B3GALNT1: variants seen among roughly 807,000 people sequenced by gnomAD.
The protein encoded by B3GALNT1 is UDP-GalNAc:beta-1,3-N-acetylgalactosaminyltransferase 1.
In B3GALNT1, 17 loss-of-function variants were observed where a neutral mutation model predicts 27.3. The observed-to-expected ratio is 0.62, with a 90% CI of 0.43 to 0.94. The LOEUF is 0.94. Among genes scored for constraint, B3GALNT1 ranks in the 40% least tolerant of loss-of-function variants. The pLI is 0.00. For missense variants in B3GALNT1, 347 were observed against 390.0 expected (o/e 0.89, Z 0.93); for synonymous variants, 141 against 144.0 (o/e 0.98, Z 0.15).
At chr3:161,104,112 G>A in intron 2 of B3GALNT1, 1 of 309,970 alleles carries the variant, frequency 3.2e-6, no homozygotes, top group South Asian at 2.7e-5. Flanking sequence ...TAGTCTATGA[G>A]GGGAAAAAAG....
rs949465858 is a variant in B3GALNT1, at chr3:161,101,206, G to T, written c.-102C>A. The T allele has an allele frequency of 3.9e-6, 5 of 1,289,778 alleles. No individual in the cohort carries two copies. The highest frequency in any genetic ancestry group is 3.7e-5 in the South Asian group (3 of 81,036). 79.9% of individuals were successfully genotyped at this position (1,289,778 alleles called of 1,614,324 possible). A position where few individuals can be genotyped will look rare whatever the true frequency, so the allele number is the denominator to read the frequency against. On this transcript the variant is annotated 5_prime_UTR_variant, in exon 4 of 5. Coordinates refer to ENST00000320474, the MANE Select transcript of B3GALNT1 (RefSeq NM_003781.4). ...AGCAGCCAGCGGGAAGAGCCAACAG[G>T]TCAACCGGGTCCAGGGAGCTAAGAA...
rs768429026 is a variant in B3GALNT1, at chr3:161,084,799, C to T, written c.*960G>A. ...TTCCAATTCAAATGCTGGAATATGACACTCTTTTTATAATATTCTGCCCAT... is the reference window on the plus strand; with the variant it reads ...TTCCAATTCAAATGCTGGAATATGATACTCTTTTTATAATATTCTGCCCAT... On this transcript the variant is annotated 3_prime_UTR_variant, in exon 5 of 5. Coordinates refer to ENST00000320474, the MANE Select transcript of B3GALNT1 (RefSeq NM_003781.4). 6 of 152,136 alleles carry T rather than the reference C, an allele frequency of 3.9e-5. No individual in the cohort carries two copies. Among genetic ancestry groups the T allele is most frequent in the African/African-American group, 1.4e-4 (6 of 41,444 alleles). 9.4% of individuals were successfully genotyped at this position (152,136 alleles called of 1,614,324 possible).
intron 4 of B3GALNT1, among the ~76,000 whole-genome samples, chr3:161,095,202 C>G (rs1727473023): frequency 6.6e-6 from 1 of 152,156 alleles, no homozygotes; most frequent in Non-Finnish European, 1.5e-5. Flanking sequence ...TACTCTGCCC[C>G]TCCAACCAAA....
intron 4 of B3GALNT1, among the ~76,000 whole-genome samples, chr3:161,091,261 C>T (rs924635089): frequency 3.3e-5 from 5 of 151,460 alleles, no homozygotes; most frequent in Admixed American, 6.6e-5. Flanking sequence ...AAAGCGTGAC[C>T]GTTTCAAAAA....
intron 4 of B3GALNT1, among the ~76,000 whole-genome samples, chr3:161,100,175 G>A (rs1730454872): frequency 6.6e-6 from 1 of 152,194 alleles, no homozygotes; most frequent in South Asian, 2.1e-4. Flanking sequence ...CTAACTACAA[G>A]GTTCCACAAC....
Position 161,085,983 on chromosome 3 carries a change from C to G in B3GALNT1, c.772G>C (p.Gly258Arg), listed in dbSNP as rs183787251. The G allele has an allele frequency of 5.7e-5, 91 of 1,588,638 alleles. No individual in the cohort carries two copies. Among genetic ancestry groups the G allele is most frequent in the Admixed American group, 3.4e-4 (19 of 56,378 alleles). ...DLVPRIYEMM[G>R]HVKPIKFEDV... ...TCAAACTTGATGGGTTTTACGTGACCCATCATTTCATAGATCCTTGGCACC... is the reference window on the plus strand; with the variant it reads ...TCAAACTTGATGGGTTTTACGTGACGCATCATTTCATAGATCCTTGGCACC... The change falls in exon 5 of 5, where the codon GGT (glycine) becomes CGT (arginine). Residue 258 changes from glycine (G) to arginine (R), a missense_variant. Physicochemically the swap from Gly to Arg is moderately radical, Grantham distance 125. Transcript: ENST00000320474.
chr3:161,097,539 A>C (rs746685224), intron 4 of B3GALNT1, among the ~76,000 whole-genome samples: 28 of 152,286 alleles, frequency 1.8e-4, no homozygotes, highest in Non-Finnish European at 3.1e-4. Flanking sequence ...AGAATCTCCC[A>C]GTGCCTGATG....
At chr3:161,096,260 A>G (rs1459754940) in intron 4 of B3GALNT1, among the ~76,000 whole-genome samples, 1 of 152,242 alleles carries the variant, frequency 6.6e-6, no homozygotes. Flanking sequence ...GCTGTCTTCT[A>G]ATAACAAAAC....
At chr3:161,087,461 C>G (rs1722634071) in intron 4 of B3GALNT1, among the ~76,000 whole-genome samples, 1 of 152,066 alleles carries the variant, frequency 6.6e-6, no homozygotes, top group Admixed American at 6.5e-5. Flanking sequence ...CAAACACCAC[C>G]TCTCCCCTCC....
intron 2 of B3GALNT1, 50 bp downstream of exon 2, chr3:161,104,269 G>T: frequency 5.5e-6 from 7 of 1,270,450 alleles, no homozygotes; most frequent in Non-Finnish European, 7.2e-6. Context: ...CCTGGGAGAA[G>T]CTAAAAAACT....
At chr3:161,099,987 T>C (rs1437466807) in intron 4 of B3GALNT1, among the ~76,000 whole-genome samples, 1 of 152,192 alleles carries the variant, frequency 6.6e-6, no homozygotes. Flanking sequence ...CCCATAAGGA[T>C]TGCATGACAT....
At position 161,084,131 on chromosome 3, in the gene B3GALNT1, T is replaced by C. The variant is rs1478641710; in HGVS notation, c.*1628A>G. Reference sequence around the variant, plus strand: ...CACTATTGTATATGTCATTATGCAGTACATAACTGTAATCTTCTGCAAAAC... The same window carrying C: ...CACTATTGTATATGTCATTATGCAGCACATAACTGTAATCTTCTGCAAAAC... On this transcript the variant is annotated 3_prime_UTR_variant, in exon 5 of 5. Coordinates refer to ENST00000320474, the MANE Select transcript of B3GALNT1 (RefSeq NM_003781.4). The C allele has an allele frequency of 6.6e-6, 1 of 152,030 alleles. No individual in the cohort carries two copies. Among genetic ancestry groups the C allele is most frequent in the Non-Finnish European group, 1.5e-5 (1 of 68,038 alleles). The allele number at this position is 152,030 out of a possible 1,614,324, so 9.4% of individuals were successfully genotyped here.
chr3:161,092,923 A>T (rs372303766), intron 4 of B3GALNT1, among the ~76,000 whole-genome samples: 133 of 151,940 alleles, frequency 8.8e-4, no homozygotes, highest in African/African-American at 3.0e-3. Context: ...ACGCCCGGCT[A>T]ATTTTTTGTA....
At chr3:161,104,441 G>T in intron 1 of B3GALNT1, 35 bp from the exon 2 acceptor site, 2 of 1,045,560 alleles carry the variant, frequency 1.9e-6, no homozygotes, top group Non-Finnish European at 2.6e-6. Flanking sequence ...AATCATGAAA[G>T]CCCTGCAAAT....
intron 4 of B3GALNT1, 28 bp downstream of exon 4, chr3:161,101,111 G>A: frequency 7.8e-7 from 1 of 1,281,558 alleles, no homozygotes; most frequent in Non-Finnish European, 1.0e-6. Flanking sequence ...TGGGCAGGGA[G>A]CAAAGAATGC....
intron 4 of B3GALNT1, among the ~76,000 whole-genome samples, chr3:161,100,908 G>A (rs1730908449): frequency 6.6e-6 from 1 of 151,800 alleles, no homozygotes; most frequent in Non-Finnish European, 1.5e-5. Context: ...AAATTACAAA[G>A]CACATTTCAT....
intron 4 of B3GALNT1, among the ~76,000 whole-genome samples, chr3:161,089,301 CTATT>C (rs1377582101): frequency 1.3e-5 from 2 of 152,034 alleles, no homozygotes; most frequent in Non-Finnish European, 2.9e-5. Context: ...CATTTCCATT[CTATT>C]TGTGTTCTCT....
chr3:161,086,083 A>T lies in B3GALNT1; in HGVS notation c.672T>A (p.Ile224=). ...SYRGFYQKTH[I]SYQEYPFKVF... is the part of the protein sequence containing the mutation. ...CCTTGAAAGGATACTCCTGGTAAGA[A>T]ATATGGGTTTTTTGGTAAAATCCTC... Residue 224 remains isoleucine, a synonymous_variant, in exon 5 of 5, where the codon ATT becomes ATA. Transcript: ENST00000320474. The T allele has an allele frequency of 6.3e-7, 1 of 1,598,814 alleles. No individual in the cohort carries two copies. The highest frequency in any genetic ancestry group is 8.5e-7 in the Non-Finnish European group (1 of 1,173,516).
At chr3:161,087,690 A>G (rs1576659468) in intron 4 of B3GALNT1, among the ~76,000 whole-genome samples, 6 of 152,320 alleles carry the variant, frequency 3.9e-5, no homozygotes, top group African/African-American at 1.4e-4. Context: ...TTGTGAAGTG[A>G]CAGCTCTGTT....
Sources: gnomAD v4.1 joint callset for allele counts (sites outside exome capture counted in the v4.1 genomes callset) on GRCh38, gnomAD v4.1.1 for gene constraint, MANE v1.5 for transcripts, NCBI Gene and HGNC (gene_info 2026-07-23, HGNC 2026-07-21) for gene names.